SLA2: variants seen among roughly 807,000 people sequenced by gnomAD.
The protein encoded by SLA2 is Src like adaptor 2.
Under a neutral mutation model 27.3 loss-of-function variants are expected in SLA2, and 22 were observed. The observed-to-expected ratio is 0.81, with a 90% confidence interval of 0.58 to 1.15. The LOEUF (loss-of-function observed/expected upper bound fraction) is 1.15, where lower values mean the gene tolerates loss of function less well. Ranked by LOEUF, SLA2 falls within the 50% of genes most tolerant of loss-of-function variation. The probability of loss-of-function intolerance (pLI) is 0.00; values close to 1 mark genes in which losing one functional copy is unlikely to be tolerated. For synonymous variants in SLA2, 131 were observed against 137.8 expected, an observed-to-expected ratio of 0.95 and a Z score of 0.34; for missense variants, 304 against 322.2, an observed-to-expected ratio of 0.94 and a Z score of 0.43.
intron 5 of SLA2, among the ~76,000 whole-genome samples, chr20:36,621,624 TCAAA>T (rs1386192276): frequency 2.0e-5 from 3 of 147,210 alleles, no homozygotes; most frequent in African/African-American, 7.5e-5. Flanking sequence ...AGACTCCATC[TCAAA>T]CAAAACAAAA....
chr20:36,632,014 C>A (rs914459053), intron 5 of SLA2, among the ~76,000 whole-genome samples: 1 of 152,040 alleles, frequency 6.6e-6, no homozygotes, highest in Non-Finnish European at 1.5e-5. Context: ...CTAAACTGAC[C>A]CCCCATCTCC....
chr20:36,639,722 G>A (rs1001244701), intron 2 of SLA2, among the ~76,000 whole-genome samples: 14 of 151,496 alleles, frequency 9.2e-5, no homozygotes, highest in Non-Finnish European at 1.9e-4. Flanking sequence ...TTAGCCAGGC[G>A]TGGTGGCGGG....
chr20:36,614,961 G>A (rs960309213), intron 6 of SLA2: 27 of 985,278 alleles, frequency 2.7e-5, no homozygotes, highest in Non-Finnish European at 3.1e-5. Flanking sequence ...CCTGCTGCCA[G>A]GGGCTCTGAG....
intron 2 of SLA2, among the ~76,000 whole-genome samples, chr20:36,640,911 A>G (rs914153870): frequency 2.0e-5 from 3 of 152,174 alleles, no homozygotes; most frequent in African/African-American, 7.2e-5. Flanking sequence ...GGGGCTGGCC[A>G]GCTCGGTGTT....
chr20:36,645,309 G>T (rs1195632700), intron 1 of SLA2, among the ~76,000 whole-genome samples: 2 of 151,736 alleles, frequency 1.3e-5, no homozygotes, highest in African/African-American at 4.8e-5. Context: ...CAAGTCTATA[G>T]TTAGTCATAA....
chr20:36,619,570 T>C (rs1321117009), intron 5 of SLA2, among the ~76,000 whole-genome samples: 3 of 149,750 alleles, frequency 2.0e-5, no homozygotes, highest in Non-Finnish European at 4.4e-5. Context: ...CACTTGAGGC[T>C]AAGAATTAAA....
chr20:36,612,553 G>T lies in SLA2; in HGVS notation c.*1313C>A, dbSNP rs1039570243. On this transcript the variant is annotated 3_prime_UTR_variant, in exon 8 of 8. Coordinates refer to ENST00000262866, the MANE Select transcript of SLA2 (RefSeq NM_032214.4). ...ACTTGAATAAATCAAATCTTTAATT[G>T]AGAACCTGTTGATGATACCTGATAA... 5.8e-6 allele frequency: 2 copies of T among 343,786 alleles called. No homozygotes were observed. The highest frequency in any genetic ancestry group is 4.2e-5 in the African/African-American group (2 of 47,498). The allele number at this position is 343,786 out of a possible 1,614,324, so 21.3% of individuals were successfully genotyped here.
chr20:36,632,330 T>G (rs1600827599), intron 5 of SLA2, among the ~76,000 whole-genome samples: 2 of 152,088 alleles, frequency 1.3e-5, no homozygotes, highest in East Asian at 3.9e-4. Flanking sequence ...GGTCCACTCA[T>G]GGTCTATTCC....
At chr20:36,636,611 G>GAAAAAAAA (rs1185102769) in intron 2 of SLA2, among the ~76,000 whole-genome samples, 5 of 73,972 alleles carry the variant, frequency 6.8e-5, no homozygotes, top group East Asian at 4.3e-4. Context: ...ATCTCAAAAA[G>GAAAAAAAA]AAAAAAAAAA....
At chr20:36,618,892 A>T (rs1169635785) in intron 5 of SLA2, among the ~76,000 whole-genome samples, 1 of 119,510 alleles carries the variant, frequency 8.4e-6, no homozygotes, top group Non-Finnish European at 1.7e-5. Context: ...AGGGAACAAG[A>T]GTGAACTCCA....
At position 36,612,972 on chromosome 20, in the gene SLA2, C is replaced by A. The variant is rs1371418603; in HGVS notation, c.*894G>T. ...GTGGCTCACACCTGTAATCCCAGCA[C>A]TTTGGGAGGCCAAGGTGGGTGGATC... On this transcript the variant is annotated 3_prime_UTR_variant, in exon 8 of 8. Coordinates refer to ENST00000262866, the MANE Select transcript of SLA2 (RefSeq NM_032214.4). 2.0e-5 allele frequency: 3 copies of A among 152,580 alleles called. No individual in the cohort carries two copies. Among genetic ancestry groups the A allele is most frequent in the Admixed American group, 6.5e-5 (1 of 15,326 alleles). 9.5% of individuals were successfully genotyped at this position (152,580 alleles called of 1,614,324 possible).
At chr20:36,614,886 G>A in intron 6 of SLA2, 1 of 985,396 alleles carries the variant, frequency 1.0e-6, no homozygotes, top group Non-Finnish European at 1.2e-6. Flanking sequence ...GAAGTACTAA[G>A]GAGAGTCAGG....
chr20:36,637,312 C>A (rs2039461615), intron 2 of SLA2, among the ~76,000 whole-genome samples: 1 of 148,542 alleles, frequency 6.7e-6, no homozygotes, highest in East Asian at 2.1e-4. Flanking sequence ...AAGTGATTCT[C>A]CTGCCTCAGC....
intron 5 of SLA2, among the ~76,000 whole-genome samples, chr20:36,629,358 G>A (rs1004695745): frequency 1.1e-4 from 17 of 151,888 alleles, no homozygotes; most frequent in African/African-American, 2.9e-4. Flanking sequence ...CCCGCTGGGC[G>A]CGGTGGCTCA....
rs970360057 is a variant in SLA2, at chr20:36,617,059, A to T, written c.383-1685T>A. Among the ~76,000 whole-genome samples, 4 of 151,436 alleles carry T rather than the reference A, an allele frequency of 2.6e-5. No homozygotes were observed. The South Asian group carries it at 8.3e-4, about 32-fold the overall frequency. ...AGCAAGACTCTATAAATAAATAAATAAAAAACCCAAGGCCGGGGACGGGTG... is the reference window on the plus strand; with the variant it reads ...AGCAAGACTCTATAAATAAATAAATTAAAAACCCAAGGCCGGGGACGGGTG... On this transcript the variant is annotated intron_variant, in intron 5 of 7. Coordinates refer to ENST00000262866, the MANE Select transcript of SLA2 (RefSeq NM_032214.4).
chr20:36,616,367 G>C (rs994474066), intron 5 of SLA2, among the ~76,000 whole-genome samples: 2 of 124,896 alleles, frequency 1.6e-5, no homozygotes, highest in African/African-American at 6.3e-5. Context: ...GTCTCCCTCT[G>C]TTGCCCAGGC....
At chr20:36,628,777 A>C (rs117500697) in intron 5 of SLA2, among the ~76,000 whole-genome samples, 2,877 of 151,854 alleles carry the variant, frequency 0.019, 43 homozygotes, top group Non-Finnish European at 0.028. Flanking sequence ...ACTGGTTTTG[A>C]ACTCCTGGAC....
intron 5 of SLA2, among the ~76,000 whole-genome samples, chr20:36,626,918 A>G (rs1220679591): frequency 2.6e-5 from 4 of 151,596 alleles, no homozygotes; most frequent in Non-Finnish European, 5.9e-5. Context: ...TCAAGATGCT[A>G]TGGGAGTTGA....
At chr20:36,616,369 T>C (rs2039211668) in intron 5 of SLA2, among the ~76,000 whole-genome samples, 1 of 150,450 alleles carries the variant, frequency 6.6e-6, no homozygotes, top group Non-Finnish European at 1.5e-5. Flanking sequence ...CTCCCTCTGT[T>C]GCCCAGGCTG....
Sources: gnomAD v4.1 joint callset for allele counts (sites outside exome capture counted in the v4.1 genomes callset) on GRCh38, gnomAD v4.1.1 for gene constraint, MANE v1.5 for transcripts, NCBI Gene and HGNC (gene_info 2026-07-23, HGNC 2026-07-21) for gene names.